The following ITGA1 variants were observed in gnomAD, a reference collection of about 807,000 sequenced individuals.
ITGA1 encodes the protein integrin subunit alpha 1.
ITGA1 carries 85 observed loss-of-function variants against 145.9 expected under a neutral mutation model. That is an observed-to-expected ratio of 0.58 (90% CI 0.49 to 0.70). The LOEUF is 0.70. Among genes scored for constraint, ITGA1 ranks in the 30% least tolerant of loss-of-function variants. ITGA1 has a pLI of 0.00. For missense variants in ITGA1, 1,351 were observed against 1,418.7 expected, an observed-to-expected ratio of 0.95 and a Z score of 0.77; for synonymous variants, 520 against 495.3, an observed-to-expected ratio of 1.05 and a Z score of -0.66.
At chr5:52,905,427 A>G (rs540731696) in intron 11 of ITGA1, 6 of 174,686 alleles carry the variant, frequency 3.4e-5, no homozygotes, top group Non-Finnish European at 6.1e-5. Context: ...GTGCAGACAC[A>G]TATATCCAAA....
chr5:52,869,430 G>A (rs978226578), intron 6 of ITGA1, among the ~76,000 whole-genome samples: 1 of 152,166 alleles, frequency 6.6e-6, no homozygotes, highest in African/African-American at 2.4e-5. Context: ...CAAGGTGCTG[G>A]GATTACAGGC....
At chr5:52,908,153 A>G (rs1036075731) in intron 12 of ITGA1, among the ~76,000 whole-genome samples, 1 of 152,336 alleles carries the variant, frequency 6.6e-6, no homozygotes, top group South Asian at 2.1e-4. Context: ...AGGGTGGTCT[A>G]TGCCACAGGG....
At chr5:52,806,821 G>T (rs749375445) in intron 1 of ITGA1, among the ~76,000 whole-genome samples, 3 of 152,148 alleles carry the variant, frequency 2.0e-5, no homozygotes, top group Non-Finnish European at 4.4e-5. Flanking sequence ...ATGAGTTTCT[G>T]TAAGGACAAA....
rs979235836 is a variant in ITGA1, at chr5:52,956,518, T to A, written c.*4067T>A. The A allele has an allele frequency of 7.2e-5, 11 of 152,226 alleles. No homozygotes were observed. Among genetic ancestry groups the A allele is most frequent in the Non-Finnish European group, 2.9e-5 (2 of 68,040 alleles). The allele number at this position is 152,226 out of a possible 1,614,324, so 9.4% of individuals were successfully genotyped here. A position where few individuals can be genotyped will look rare whatever the true frequency, so the allele number is the denominator to read the frequency against. On this transcript the variant is annotated 3_prime_UTR_variant, in exon 29 of 29. Coordinates refer to ENST00000282588, the MANE Select transcript of ITGA1 (RefSeq NM_181501.2). The stretch of plus-strand genomic sequence containing the variant: ...TACCAGCTTCAGTGACTCAATCATT[T>A]ATACAGGATTTCAGTGTTTTGTTCT...
intron 1 of ITGA1, among the ~76,000 whole-genome samples, chr5:52,825,712 G>C (rs945884182): frequency 7.2e-5 from 11 of 152,176 alleles, no homozygotes; most frequent in African/African-American, 2.2e-4. Context: ...AAGGTCAGGA[G>C]ATCGAGACCA....
chr5:52,848,086 G>C (rs1469566786), intron 1 of ITGA1, among the ~76,000 whole-genome samples: 1 of 152,158 alleles, frequency 6.6e-6, no homozygotes, highest in Non-Finnish European at 1.5e-5. Context: ...AGACCCTTTA[G>C]ATATATCATG....
intron 7 of ITGA1, among the ~76,000 whole-genome samples, chr5:52,883,832 T>C (rs1390830936): frequency 1.3e-5 from 2 of 152,180 alleles, no homozygotes; most frequent in Non-Finnish European, 2.9e-5. Flanking sequence ...ACAATGACAA[T>C]TTTTTAAGGA....
intron 23 of ITGA1, among the ~76,000 whole-genome samples, chr5:52,936,902 C>T (rs980387929): frequency 1.2e-4 from 18 of 151,872 alleles, no homozygotes; most frequent in Non-Finnish European, 2.2e-4. Context: ...GTCTGGTTTT[C>T]CTGTATAGTG....
At chr5:52,879,948 A>G (rs991134093) in intron 6 of ITGA1, among the ~76,000 whole-genome samples, 2 of 152,198 alleles carry the variant, frequency 1.3e-5, no homozygotes, top group Non-Finnish European at 2.9e-5. Context: ...GAGAGAATTC[A>G]TATGTTCTAT....
chr5:52,916,630 G>A (rs529562367), intron 15 of ITGA1, among the ~76,000 whole-genome samples: 40 of 152,154 alleles, frequency 2.6e-4, no homozygotes, highest in African/African-American at 8.9e-4. Flanking sequence ...TTACAATAGA[G>A]GGGAAAGAAG....
intron 23 of ITGA1, among the ~76,000 whole-genome samples, chr5:52,935,260 G>GT (rs1285100004): frequency 1.3e-5 from 2 of 151,940 alleles, no homozygotes; most frequent in Non-Finnish European, 2.9e-5. Context: ...GTGAAACCCG[G>GT]TAAGTTTACT....
rs74399795 is a variant in ITGA1, at chr5:52,879,735, C to T, written c.625-2138C>T. ...TCTTGTTCCCAAAGGGTCTTTTGGT[C>T]ACCTTTATTCCAAATATAGTAGCTC... On this transcript the variant is annotated intron_variant, in intron 6 of 28. Coordinates refer to ENST00000282588, the MANE Select transcript of ITGA1 (RefSeq NM_181501.2). 4.2e-3 allele frequency among the ~76,000 whole-genome samples: 637 copies of T among 152,120 alleles called. 9 individuals carry two copies. The East Asian group carries it at 0.052, about 12-fold the overall frequency.
chr5:52,892,664 G>T (rs764023446), intron 8 of ITGA1, among the ~76,000 whole-genome samples: 6 of 152,086 alleles, frequency 3.9e-5, no homozygotes, highest in Non-Finnish European at 7.4e-5. Context: ...CAATAGAAAG[G>T]ACCCAACTAC....
At chr5:52,872,564 C>T (rs1749793328) in intron 6 of ITGA1, among the ~76,000 whole-genome samples, 2 of 113,250 alleles carry the variant, frequency 1.8e-5, no homozygotes, top group South Asian at 2.8e-4. Flanking sequence ...CCCTTACACC[C>T]GCCTCAGTCA....
At chr5:52,825,330 A>C (rs1748943193) in intron 1 of ITGA1, 1 of 152,200 alleles carries the variant, frequency 6.6e-6, no homozygotes, top group African/African-American at 2.4e-5. Context: ...CTTCATAGAT[A>C]CTGCGTTTTT....
chr5:52,788,364 G>C lies in ITGA1; in HGVS notation c.11G>C (p.Arg4Pro). ...GAGGCTGCTCCGGCCATGGCCCCTC[G>C]GCCCCGCGCCCGCCCAGGGGTCGCT... MAP[R>P]PRARPGVAVA... The change falls in exon 1 of 29, where the codon CGG (arginine) becomes CCG (proline). Residue 4 changes from arginine (R) to proline (P), a missense_variant. By Grantham distance (103) the Arg-to-Pro change is moderately radical (BLOSUM62 -2). Transcript: ENST00000282588. The C allele has an allele frequency of 2.6e-6, 4 of 1,510,954 alleles. No homozygotes were observed. The highest frequency in any genetic ancestry group is 1.2e-5 in the South Asian group (1 of 81,350). The allele number at this position is 1,510,954 out of a possible 1,614,324, so 93.6% of individuals were successfully genotyped here. A position where few individuals can be genotyped will look rare whatever the true frequency, so the allele number is the denominator to read the frequency against.
At chr5:52,851,395 A>C (rs1580061798) in intron 2 of ITGA1, among the ~76,000 whole-genome samples, 1 of 152,296 alleles carries the variant, frequency 6.6e-6, no homozygotes, top group Admixed American at 6.5e-5. Context: ...TCCTATTGTG[A>C]GATTTCCACC....
intron 1 of ITGA1, among the ~76,000 whole-genome samples, chr5:52,809,746 T>A (rs1205248242): frequency 6.6e-6 from 1 of 152,112 alleles, no homozygotes. Flanking sequence ...CCTCAAGTGA[T>A]CTGCCCATCT....
intron 7 of ITGA1, among the ~76,000 whole-genome samples, chr5:52,884,083 G>A (rs570412293): frequency 4.7e-4 from 71 of 152,134 alleles, no homozygotes; most frequent in Admixed American, 1.8e-3. Context: ...TATGATATTC[G>A]CATACAAAGA....
Sources: allele counts gnomAD v4.1 joint callset (sites outside exome capture counted in the v4.1 genomes callset), GRCh38; gene constraint gnomAD v4.1.1; transcripts MANE v1.5; gene names NCBI Gene and HGNC (gene_info 2026-07-23, HGNC 2026-07-21).